CACTIN: variants seen among roughly 807,000 people sequenced by gnomAD.
CACTIN encodes cactin, spliceosome C complex subunit.
A neutral mutation model predicts 84.9 loss-of-function variants in CACTIN; 20 were observed. The ratio of observed to expected loss-of-function variants is 0.24; its 90% CI spans 0.17 to 0.34. The LOEUF (loss-of-function observed/expected upper bound fraction) is 0.34, where lower values mean the gene tolerates loss of function less well. CACTIN is among the 10% of genes least tolerant of loss of function. The probability of loss-of-function intolerance (pLI) is 1.00; values close to 1 mark genes in which losing one functional copy is unlikely to be tolerated. For missense variants in CACTIN, 897 were observed against 1,117.2 expected, an observed-to-expected ratio of 0.80 and a Z score of 2.81; for synonymous variants, 549 against 467.9, an observed-to-expected ratio of 1.17 and a Z score of -2.24.
chr19:3,618,177 C>CCGG (rs56057264), intron 6 of CACTIN, among the ~76,000 whole-genome samples: 1,493 of 107,462 alleles, frequency 0.014, 221 homozygotes, highest in East Asian at 0.083. Context: ...GCTTTTAGAC[C>CCGG]GGGGGGGGGG....
At chr19:3,617,211 C>G (rs6510764) in intron 6 of CACTIN, among the ~76,000 whole-genome samples, 1 of 152,200 alleles carries the variant, frequency 6.6e-6, no homozygotes, top group African/African-American at 2.4e-5. Context: ...CCCAGGAAGT[C>G]GAGGCTACAG....
Position 3,624,035 on chromosome 19 carries a change from A to C in CACTIN, c.295T>G (p.Trp99Gly). The change falls in exon 2 of 10, where the codon TGG becomes GGG. Residue 99 changes from tryptophan to glycine, a missense_variant. This residue lies in a region of CACTIN where 261 missense variants were observed against 243.8 expected (regional missense o/e 1.07). Transcript: ENST00000429344. ...DSGEEQSRGQ[W>G]ARRRRRARSW... is the part of the protein sequence containing the mutation. ...CGTGCGCGCCGTCGCCGGCGAGCCC[A>C]CTGGCCCCGTGACTGCTCCTCTCCT... 2 of 1,605,478 alleles carry C rather than the reference A, an allele frequency of 1.2e-6. No homozygotes were observed. Among genetic ancestry groups the C allele is most frequent in the Non-Finnish European group, 1.7e-6 (2 of 1,179,718 alleles).
intron 6 of CACTIN, among the ~76,000 whole-genome samples, chr19:3,618,178 G>GC: frequency 2.4e-4 from 2 of 8,282 alleles, no homozygotes; most frequent in African/African-American, 7.9e-4. Flanking sequence ...CTTTTAGACC[G>GC]GGGGGGGGGG....
At chr19:3,622,918 G>A (rs1443574958) in intron 2 of CACTIN, among the ~76,000 whole-genome samples, 7 of 152,298 alleles carry the variant, frequency 4.6e-5, no homozygotes, top group African/African-American at 1.2e-4. Flanking sequence ...AGCTTACACC[G>A]CAAGAGACAC....
intron 1 of CACTIN, among the ~76,000 whole-genome samples, chr19:3,625,832 G>GC (rs2033321817): frequency 6.6e-6 from 1 of 152,246 alleles, no homozygotes; most frequent in Admixed American, 6.5e-5. Flanking sequence ...CAGCACTGGG[G>GC]CCCCGGTCTG....
chr19:3,625,748 C>A (rs556349807), intron 1 of CACTIN, among the ~76,000 whole-genome samples: 1 of 152,312 alleles, frequency 6.6e-6, no homozygotes, highest in African/African-American at 2.4e-5. Flanking sequence ...AACAAAAAAA[C>A]CAACAACCGA....
rs1055073685 is a variant in CACTIN at position 3,613,788 on chromosome 19, T to C, written c.1356-202A>G. On this transcript the variant is annotated intron_variant, in intron 7 of 9. Coordinates refer to ENST00000429344, the MANE Select transcript of CACTIN (RefSeq NM_001080543.2). ...AGAGGACGAGAGGACGCAGGTACCC[T>C]GGTGAACCATCCCATGGCAGGGAGA... 4.2e-5 allele frequency: 27 copies of C among 647,194 alleles called. No individual in the cohort carries two copies. The African/African-American group carries it at 4.4e-4, about 11-fold the overall frequency. 40.1% of individuals were successfully genotyped at this position (647,194 alleles called of 1,614,324 possible). A position where few individuals can be genotyped will look rare whatever the true frequency, so the allele number is the denominator to read the frequency against.
intron 2 of CACTIN, among the ~76,000 whole-genome samples, chr19:3,621,857 G>A (rs1021709599): frequency 6.6e-6 from 1 of 152,190 alleles, no homozygotes; most frequent in Admixed American, 6.5e-5. Flanking sequence ...CCCCGAGGCG[G>A]AAGGAGCTCG....
intron 1 of CACTIN, among the ~76,000 whole-genome samples, chr19:3,625,054 G>A (rs993295141): frequency 5.9e-5 from 9 of 151,960 alleles, no homozygotes; most frequent in African/African-American, 1.4e-4. Flanking sequence ...CCACGCCCAG[G>A]TAACTCTTTA....
Position 3,613,232 on chromosome 19 carries a change from C to T in CACTIN, c.1612G>A (p.Glu538Lys). 1.2e-6 allele frequency: 2 copies of T among 1,604,124 alleles called. No individual in the cohort carries two copies. Among genetic ancestry groups the T allele is most frequent in the Middle Eastern group, 1.7e-4 (1 of 6,044 alleles). ...DGDGEGEGEGEAVLMEEDLIQ... is the reference protein window; with the variant it reads ...DGDGEGEGEGKAVLMEEDLIQ... ...AGGTCCTCCTCCATGAGCACCGCCTCGCCCTCGCCCTCGCCCTCACCGTCC... is the reference window on the plus strand; with the variant it reads ...AGGTCCTCCTCCATGAGCACCGCCTTGCCCTCGCCCTCGCCCTCACCGTCC... Residue 538 changes from glutamate (E) to lysine (K), a missense_variant, in exon 9 of 10, where the codon GAG becomes AAG. Coordinates refer to ENST00000429344, the MANE Select transcript of CACTIN (RefSeq NM_001080543.2).
intron 1 of CACTIN, among the ~76,000 whole-genome samples, chr19:3,624,607 C>A (rs755336698): frequency 7.2e-4 from 109 of 152,184 alleles, no homozygotes; most frequent in Non-Finnish European, 1.1e-3. Flanking sequence ...GGCTGTATGG[C>A]TGAGACAGAG....
rs959222095 is a variant in CACTIN at position 3,611,547 on chromosome 19, G to A, written c.*376C>T. The A allele has an allele frequency of 2.5e-4, 91 of 366,884 alleles. No individual in the cohort carries two copies. The Middle Eastern group carries it at 2.8e-3, about 11-fold the overall frequency. The allele number at this position is 366,884 out of a possible 1,614,324, so 22.7% of individuals were successfully genotyped here. On this transcript the variant is annotated 3_prime_UTR_variant, in exon 10 of 10. Coordinates refer to ENST00000429344, the MANE Select transcript of CACTIN (RefSeq NM_001080543.2). ...CATCTCCACAACACCCTGTGTGGCC[G>A]CCACTTGGGGCAGGCCCTGTGGGCC...
chr19:3,616,756 G>A (rs2033114485), intron 6 of CACTIN: 1 of 152,322 alleles, frequency 6.6e-6, no homozygotes, highest in South Asian at 2.0e-4. Flanking sequence ...CTGGAGGTGA[G>A]GCAGGAGGAT....
rs778487266 is a variant in CACTIN at position 3,612,421 on chromosome 19, C to G, written c.1787-8G>C. The stretch of plus-strand genomic sequence containing the variant: ...CGCTCTCGCTGGCGTCTCCTGCGGG[C>G]GGGACGGCGTTCACCCGGGCCTCGG... On this transcript the variant is annotated splice_region_variant and splice_polypyrimidine_tract_variant and intron_variant, in intron 9 of 9. Transcript: ENST00000429344. 2.4e-5 allele frequency: 38 copies of G among 1,577,146 alleles called. No homozygotes were observed. Among genetic ancestry groups the G allele is most frequent in the Non-Finnish European group, 3.2e-5 (37 of 1,166,894 alleles).
chr19:3,621,532 C>T (rs1429650899), intron 2 of CACTIN, among the ~76,000 whole-genome samples: 1 of 152,202 alleles, frequency 6.6e-6, no homozygotes, highest in African/African-American at 2.4e-5. Context: ...CCCCAGACAC[C>T]CGGGCCACTC....
In CACTIN at chr19:3,614,773, A is replaced by T. The variant is rs916817095; in HGVS notation, c.1163-184T>A. 6 of 614,566 alleles carry T rather than the reference A, an allele frequency of 9.8e-6. No homozygotes were observed. The Admixed American group carries it at 1.3e-4, about 14-fold the overall frequency. The allele number at this position is 614,566 out of a possible 1,614,324, so 38.1% of individuals were successfully genotyped here. A position where few individuals can be genotyped will look rare whatever the true frequency, so the allele number is the denominator to read the frequency against. On this transcript the variant is annotated intron_variant, in intron 6 of 9. Transcript: ENST00000429344. ...CCCCACCCTGGCCACAGCGGAGGGG[A>T]GGGGGTGGGCGGAGGTTGGGAGCCA...
In CACTIN at chr19:3,624,162, C is replaced by T. The variant is rs1345612107; in HGVS notation, c.168G>A (p.Arg56=). The T allele has an allele frequency of 6.4e-7, 1 of 1,553,412 alleles. No homozygotes were observed. Among genetic ancestry groups the T allele is most frequent in the East Asian group, 2.3e-5 (1 of 44,184 alleles). Reference sequence around the variant, plus strand: ...GCCACCGCTCTTCCTCTGAATCTGACCTGCGGAGAGGACCATGGATGCCTG... The same window carrying T: ...GCCACCGCTCTTCCTCTGAATCTGATCTGCGGAGAGGACCATGGATGCCTG... ...RRRRRRSRER[R]SDSEEERWQR... Residue 56 remains arginine (R), a splice_region_variant and synonymous_variant, in exon 2 of 10, where the codon AGG becomes AGA. Coordinates refer to ENST00000429344, the MANE Select transcript of CACTIN (RefSeq NM_001080543.2).
Position 3,624,531 on chromosome 19 carries a change from G to A in CACTIN, c.168-369C>T, listed in dbSNP as rs116179614. 9.1e-4 allele frequency among the ~76,000 whole-genome samples: 139 copies of A among 152,226 alleles called. 1 individual carries two copies. Among genetic ancestry groups the A allele is most frequent in the African/African-American group, 3.3e-3 (136 of 41,540 alleles). ...GGGTGGATTCGGAGGGAGAGTGCTC[G>A]AGGCAGAGCAAGAGCGAGGGCCTAG... On this transcript the variant is annotated intron_variant, in intron 1 of 9. Coordinates refer to ENST00000429344, the MANE Select transcript of CACTIN (RefSeq NM_001080543.2).
Position 3,620,123 on chromosome 19 carries a change from G to A in CACTIN, c.884+4C>T, listed in dbSNP as rs754385550. 5 of 1,609,794 alleles carry A rather than the reference G, an allele frequency of 3.1e-6. No homozygotes were observed. The highest frequency in any genetic ancestry group is 2.2e-5 in the East Asian group (1 of 44,882). Reference sequence around the variant, plus strand: ...GTCGGAGGGAGGGGGAGGCCCCAGCGCACCGCAGCTTGGCCTGCTGGAGGT... The same window carrying A: ...GTCGGAGGGAGGGGGAGGCCCCAGCACACCGCAGCTTGGCCTGCTGGAGGT... On this transcript the variant is annotated splice_donor_region_variant and intron_variant, in intron 4 of 9. Coordinates refer to ENST00000429344, the MANE Select transcript of CACTIN (RefSeq NM_001080543.2).
Sources: allele counts gnomAD v4.1 joint callset (sites outside exome capture counted in the v4.1 genomes callset), GRCh38; gene constraint gnomAD v4.1.1; regional missense constraint gnomAD v4.1.1; transcripts MANE v1.5; gene names NCBI Gene and HGNC (gene_info 2026-07-23, HGNC 2026-07-21).